Variants in TFEC observed in about 807,000 individuals in gnomAD.
TFEC encodes the protein class E basic helix-loop-helix protein 34.
In TFEC, 31 loss-of-function variants were observed where a neutral mutation model predicts 41.6. The observed-to-expected ratio is 0.74, with a 90% CI of 0.56 to 1.01. The LOEUF (loss-of-function observed/expected upper bound fraction) is 1.01, where lower values mean the gene tolerates loss of function less well. TFEC is among the 50% of genes least tolerant of loss of function. TFEC has a pLI of 0.00. For missense variants in TFEC, 402 were observed against 404.1 expected, an observed-to-expected ratio of 0.99 and a Z score of 0.04; for synonymous variants, 143 against 140.6, an observed-to-expected ratio of 1.02 and a Z score of -0.12.
chr7:116,082,622 C>A (rs1249181352), intron 3 of TFEC, among the ~76,000 whole-genome samples: 1 of 151,924 alleles, frequency 6.6e-6, no homozygotes, highest in Non-Finnish European at 1.5e-5. Flanking sequence ...TTTGTAGACT[C>A]ATTGATTTAT....
chr7:115,961,991 T>C (rs1430861428), intron 3 of TFEC, among the ~76,000 whole-genome samples: 1 of 151,624 alleles, frequency 6.6e-6, no homozygotes, highest in East Asian at 1.9e-4. Flanking sequence ...TTTTATGTAC[T>C]GCAGCTTAGC....
At chr7:116,146,222 C>T (rs1329896059) in intron 1 of TFEC, among the ~76,000 whole-genome samples, 3 of 152,144 alleles carry the variant, frequency 2.0e-5, no homozygotes, top group African/African-American at 7.2e-5. Context: ...TAGGAATTTG[C>T]CCGGTACTGC....
intron 3 of TFEC, among the ~76,000 whole-genome samples, chr7:116,100,431 T>C (rs951499275): frequency 1.3e-5 from 2 of 152,180 alleles, no homozygotes; most frequent in Non-Finnish European, 2.9e-5. Flanking sequence ...AAACATCCCA[T>C]TTTTCAGCAT....
At chr7:115,953,066 C>G (rs1273603064) in intron 5 of TFEC, among the ~76,000 whole-genome samples, 2 of 151,936 alleles carry the variant, frequency 1.3e-5, no homozygotes, top group African/African-American at 4.8e-5. Flanking sequence ...GACCAATGGG[C>G]AGTTGTTTGC....
At chr7:116,068,019 GA>G (rs1208336271) in intron 3 of TFEC, among the ~76,000 whole-genome samples, 4 of 150,656 alleles carry the variant, frequency 2.7e-5, no homozygotes, top group African/African-American at 9.8e-5. Flanking sequence ...TAAGACATTT[GA>G]AAAAAAATAA....
intron 3 of TFEC, among the ~76,000 whole-genome samples, chr7:116,053,605 T>C (rs913149850): frequency 4.6e-5 from 7 of 152,140 alleles, no homozygotes; most frequent in African/African-American, 1.4e-4. Context: ...GATTAATGGG[T>C]TATCATGTTA....
chr7:115,952,017 T>C (rs1193517474), intron 5 of TFEC, among the ~76,000 whole-genome samples: 1 of 152,086 alleles, frequency 6.6e-6, no homozygotes, highest in Non-Finnish European at 1.5e-5. Context: ...AAGGAAAATA[T>C]ATTTTTTTAA....
chr7:116,025,762 C>G lies in TFEC; in HGVS notation c.-73+4871G>C, dbSNP rs550040030. 4.6e-5 allele frequency among the ~76,000 whole-genome samples: 7 copies of G among 152,308 alleles called. 1 individual carries two copies. The South Asian group carries it at 1.5e-3, about 32-fold the overall frequency. On this transcript the variant is annotated intron_variant, in intron 1 of 7. Coordinates refer to ENST00000265440, the MANE Select transcript of TFEC (RefSeq NM_012252.4). ...TTGCTCAGTCCACTGGTTTGCTAAT[C>G]CATGTTCAGTTTAAGAGAGAATTGC...
At chr7:116,054,953 G>T (rs532377390) in intron 3 of TFEC, among the ~76,000 whole-genome samples, 2 of 152,158 alleles carry the variant, frequency 1.3e-5, no homozygotes, top group African/African-American at 4.8e-5. Flanking sequence ...TGTATTCCAG[G>T]ATCTTATAAT....
intron 1 of TFEC, among the ~76,000 whole-genome samples, chr7:116,117,282 G>C (rs1183764195): frequency 6.6e-6 from 1 of 151,790 alleles, no homozygotes; most frequent in East Asian, 1.9e-4. Context: ...AATGTCCCCA[G>C]TGTCTATACC....
upstream of TFEC, among the ~76,000 whole-genome samples, chr7:116,034,111 C>T (rs1584429622): frequency 6.6e-6 from 1 of 152,216 alleles, no homozygotes; most frequent in Admixed American, 6.5e-5. Context: ...TTTCAGGACA[C>T]TACAGACTCA....
intron 3 of TFEC, among the ~76,000 whole-genome samples, chr7:116,064,344 A>T (rs1796642245): frequency 6.6e-6 from 1 of 151,382 alleles, no homozygotes; most frequent in South Asian, 2.1e-4. Flanking sequence ...TGTACAAAAT[A>T]ATATATATAT....
At chr7:116,124,261 G>T (rs1394398024) in intron 1 of TFEC, among the ~76,000 whole-genome samples, 2 of 152,170 alleles carry the variant, frequency 1.3e-5, no homozygotes, top group African/African-American at 4.8e-5. Context: ...AGCTCACTCA[G>T]ACAAAGAGAG....
chr7:116,118,730 G>T (rs1047895465), intron 1 of TFEC, among the ~76,000 whole-genome samples: 1 of 151,804 alleles, frequency 6.6e-6, no homozygotes, highest in Non-Finnish European at 1.5e-5. Context: ...AGAGAAACGT[G>T]CAAAGATACA....
At chr7:115,946,704 T>TTTTCTTTTCC (rs1423528532) in intron 6 of TFEC, among the ~76,000 whole-genome samples, 1 of 150,346 alleles carries the variant, frequency 6.7e-6, no homozygotes, top group African/African-American at 2.5e-5. Context: ...TCTTCTTTTC[T>TTTTCTTTTCC]TTTCTTTTCC....
At chr7:116,134,716 TTCTC>T (rs1798402444) in intron 1 of TFEC, among the ~76,000 whole-genome samples, 5 of 152,264 alleles carry the variant, frequency 3.3e-5, no homozygotes, top group Admixed American at 3.3e-4. Context: ...CCCAAATACT[TTCTC>T]TAATTATACA....
chr7:116,118,168 T>C lies in TFEC; in HGVS notation c.-68-6130A>G, dbSNP rs139398691. Among the ~76,000 whole-genome samples the C allele has an allele frequency of 7.5e-4, 114 of 151,914 alleles. 1 individual carries two copies. Among genetic ancestry groups the C allele is most frequent in the African/African-American group, 2.6e-3 (108 of 41,504 alleles). ...CAATTTTTTCAGTGACTGCCTTGAC[T>C]TGGGACAAGAATAGACATTTCACTC... is the stretch of plus-strand genomic sequence containing the variant. On this transcript the variant is annotated intron_variant, in intron 1 of 8. Coordinates refer to the TFEC transcript ENST00000484212.
At chr7:116,100,587 G>A (rs979263647) in intron 3 of TFEC, among the ~76,000 whole-genome samples, 2 of 107,716 alleles carry the variant, frequency 1.9e-5, no homozygotes, top group Non-Finnish European at 4.2e-5. Context: ...AAGAGACAGG[G>A]GGTTACTTGG....
intron 3 of TFEC, among the ~76,000 whole-genome samples, chr7:116,038,149 G>A (rs1795953738): frequency 6.6e-6 from 1 of 151,850 alleles, no homozygotes; most frequent in African/African-American, 2.4e-5. Context: ...AACCTTTAAG[G>A]CATTAATGTA....
Sources: allele counts gnomAD v4.1 joint callset (sites outside exome capture counted in the v4.1 genomes callset), GRCh38; gene constraint gnomAD v4.1.1; transcripts MANE v1.5; gene names NCBI Gene and HGNC (gene_info 2026-07-23, HGNC 2026-07-21).